The following TDRD9 variants were observed in gnomAD, a reference collection of about 807,000 sequenced individuals.
TDRD9 encodes ATP-dependent RNA helicase TDRD9.
TDRD9 carries 124 observed loss-of-function variants against 172.6 expected under a neutral mutation model. The observed-to-expected ratio is 0.72, with a 90% CI of 0.62 to 0.83. The LOEUF is 0.83. TDRD9 is among the 40% of genes least tolerant of loss of function. The pLI is 0.00. For missense variants in TDRD9, 1,479 were observed against 1,714.1 expected, an observed-to-expected ratio of 0.86 and a Z score of 2.42; for synonymous variants, 619 against 617.1, an observed-to-expected ratio of 1.00 and a Z score of -0.05.
At chr14:104,028,102 A>G (rs1403721616) in intron 28 of TDRD9, among the ~76,000 whole-genome samples, 1 of 152,192 alleles carries the variant, frequency 6.6e-6, no homozygotes, top group Non-Finnish European at 1.5e-5. Flanking sequence ...CTGTTGACGG[A>G]CACCTAGGTT....
intron 32 of TDRD9, among the ~76,000 whole-genome samples, chr14:104,035,405 G>C (rs2035420937): frequency 6.6e-6 from 1 of 152,164 alleles, no homozygotes; most frequent in East Asian, 1.9e-4. Context: ...AAGTTTTCTG[G>C]TGACCAGTTG....
intron 1 of TDRD9, among the ~76,000 whole-genome samples, chr14:103,952,580 A>T (rs1183815665): frequency 6.6e-6 from 1 of 151,790 alleles, no homozygotes. Flanking sequence ...AGATTGAAAA[A>T]AATGCAGTTA....
At chr14:103,998,429 T>G (rs1255984729) in intron 12 of TDRD9, among the ~76,000 whole-genome samples, 195 bp from the exon 13 acceptor site, 1 of 152,118 alleles carries the variant, frequency 6.6e-6, no homozygotes, top group Non-Finnish European at 1.5e-5. Context: ...AGACTCCCTG[T>G]ACTCAGCAAG....
intron 1 of TDRD9, chr14:103,941,351 T>G (rs1294565721): frequency 6.5e-6 from 9 of 1,378,428 alleles, no homozygotes; most frequent in Non-Finnish European, 8.8e-6. Context: ...ATGAGGAACT[T>G]GGACTTAGCA....
At position 104,032,057 on chromosome 14, in the gene TDRD9, G is replaced by A; in HGVS notation, c.3479G>A (p.Cys1160Tyr). 1 of 1,548,296 alleles carries A rather than the reference G, an allele frequency of 6.5e-7. No individual in the cohort carries two copies. The highest frequency in any genetic ancestry group is 1.4e-5 in the African/African-American group (1 of 72,978). Residue 1160 changes from cysteine (C) to tyrosine (Y), a missense_variant, in exon 30 of 36, where the codon TGC (cysteine) becomes TAC (tyrosine). By Grantham distance (194) the Cys-to-Tyr change is radical. Around this residue, in one of 3 missense-constraint regions of TDRD9, gnomAD observed 1,413 missense variants for 1,649.1 expected, o/e 0.86. Coordinates refer to ENST00000409874, the MANE Select transcript of TDRD9 (RefSeq NM_153046.3). ...HGPFNPYELK[C>Y]HSLTRISKFR... ...CCTTTTAACCCTTATGAACTAAAGT[G>A]CCATAGTTTGACCAGAATATCCAAA...
chr14:104,044,729 T>G (rs2035715131), intron 34 of TDRD9, among the ~76,000 whole-genome samples: 1 of 152,258 alleles, frequency 6.6e-6, no homozygotes, highest in East Asian at 1.9e-4. Context: ...TTGGCCATTA[T>G]GAAGAAAGCT....
intron 6 of TDRD9, among the ~76,000 whole-genome samples, chr14:103,972,305 TA>T (rs11312685): frequency 0.37 from 55,344 of 148,710 alleles, 10,195 homozygotes; most frequent in Middle Eastern, 0.39. Flanking sequence ...AGACTGCATT[TA>T]AAAAAAAAAA....
intron 27 of TDRD9, 75 bp from the exon 28 acceptor site, chr14:104,026,604 G>C: frequency 1.3e-6 from 2 of 1,529,688 alleles, no homozygotes; most frequent in Non-Finnish European, 1.8e-6. Flanking sequence ...AACAAGGTCT[G>C]TTTTCAGTGG....
intron 1 of TDRD9, among the ~76,000 whole-genome samples, chr14:103,938,440 A>ATATATTTTTTT (rs1334417901): frequency 2.2e-5 from 1 of 44,548 alleles, no homozygotes; most frequent in African/African-American, 9.2e-5. Flanking sequence ...ATATATATAT[A>ATATATTTTTTT]TTTTTTTTTT....
At chr14:103,972,370 AG>A (rs998361815) in intron 6 of TDRD9, among the ~76,000 whole-genome samples, 1 of 152,214 alleles carries the variant, frequency 6.6e-6, no homozygotes, top group Non-Finnish European at 1.5e-5. Context: ...TGTTCGAAAT[AG>A]CACCAAAGTG....
intron 29 of TDRD9, 128 bp downstream of exon 29, chr14:104,031,391 C>T (rs1172605901): frequency 1.4e-6 from 1 of 715,664 alleles, no homozygotes; most frequent in Non-Finnish European, 2.2e-6. Context: ...ACTTTTCTCA[C>T]AATTGATCCT....
chr14:103,958,065 C>T (rs962855395), intron 2 of TDRD9, among the ~76,000 whole-genome samples: 1 of 152,142 alleles, frequency 6.6e-6, no homozygotes, highest in Non-Finnish European at 1.5e-5. Context: ...CTGTATGAGA[C>T]AGCGAGAATA....
At chr14:104,012,073 G>A (rs1284276807) in intron 20 of TDRD9, among the ~76,000 whole-genome samples, 2 of 152,152 alleles carry the variant, frequency 1.3e-5, no homozygotes, top group African/African-American at 4.8e-5. Context: ...CCTGAGCCTT[G>A]GTGTCCTGGG....
At chr14:104,010,940 T>G (rs1566781496) in intron 20 of TDRD9, among the ~76,000 whole-genome samples, 1 of 152,214 alleles carries the variant, frequency 6.6e-6, no homozygotes, top group Non-Finnish European at 1.5e-5. Context: ...AGGGGTGAAC[T>G]GAAATGTACT....
At chr14:104,001,673 A>G (rs2152212677) in intron 13 of TDRD9, among the ~76,000 whole-genome samples, 1 of 152,236 alleles carries the variant, frequency 6.6e-6, no homozygotes, top group Non-Finnish European at 1.5e-5. Flanking sequence ...CAACGACGTG[A>G]TCTCGGCTCA....
At chr14:104,026,575 A>C (rs1164196452) in intron 27 of TDRD9, 104 bp from the exon 28 acceptor site, 9 of 1,330,766 alleles carry the variant, frequency 6.8e-6, no homozygotes, top group Non-Finnish European at 9.3e-6. Flanking sequence ...TTTTATGAGA[A>C]TATTATTGAA....
chr14:104,021,253 C>G (rs1276226868), intron 23 of TDRD9, among the ~76,000 whole-genome samples: 2 of 152,152 alleles, frequency 1.3e-5, no homozygotes, highest in African/African-American at 4.8e-5. Context: ...GGAAATCGCG[C>G]TCACAATCCG....
chr14:103,930,683 A>G (rs751587319), intron 1 of TDRD9, among the ~76,000 whole-genome samples: 1 of 152,066 alleles, frequency 6.6e-6, no homozygotes, highest in Non-Finnish European at 1.5e-5. Context: ...TGCTGTTTGT[A>G]TGTTTGCACA....
intron 10 of TDRD9, 51 bp from the exon 11 acceptor site, chr14:103,994,468 A>G (rs2033984245): frequency 6.2e-7 from 1 of 1,604,198 alleles, no homozygotes; most frequent in African/African-American, 1.3e-5. Flanking sequence ...TTATTTTTGT[A>G]TCTCATGTAT....
Sources: gnomAD v4.1 joint callset for allele counts (sites outside exome capture counted in the v4.1 genomes callset) on GRCh38, gnomAD v4.1.1 for gene constraint, gnomAD v4.1.1 regional missense constraint, MANE v1.5 for transcripts, NCBI Gene and HGNC (gene_info 2026-07-23, HGNC 2026-07-21) for gene names.